BMERB1: variants seen among roughly 807,000 people sequenced by gnomAD.
BMERB1 encodes the protein bMERB domain containing 1, also known as bMERB domain-containing protein 1.
In BMERB1, 12 loss-of-function variants were observed where a neutral mutation model predicts 23.6. The observed-to-expected ratio is 0.51, with a 90% confidence interval of 0.33 to 0.82. BMERB1 has a LOEUF of 0.82. Among genes scored for constraint, BMERB1 ranks in the 40% least tolerant of loss-of-function variants. BMERB1 has a pLI of 0.03. For missense variants in BMERB1, 247 were observed against 255.4 expected, an observed-to-expected ratio of 0.97 and a Z score of 0.22; for synonymous variants, 122 against 96.6, an observed-to-expected ratio of 1.26 and a Z score of -1.54.
rs150793082 is a variant in BMERB1 at position 15,444,123 on chromosome 16, G to GTTTTTTTTTTTTTTTTTT, written c.106+9374_106+9391dup. Among the ~76,000 whole-genome samples, 206 of 35,620 alleles carry GTTTTTTTTTTTTTTTTTT rather than the reference G, an allele frequency of 5.8e-3. 39 individuals carry two copies. The highest frequency in any genetic ancestry group is 8.4e-3 in the African/African-American group (65 of 7,750). The allele number at this position is 35,620 out of a possible 152,430, so 23.4% of individuals were successfully genotyped here. A position where few individuals can be genotyped will look rare whatever the true frequency, so the allele number is the denominator to read the frequency against. On this transcript the variant is annotated intron_variant, in intron 1 of 5. Transcript: ENST00000300006. ...AGGCCAGGGTCCAGGCACCAGCTTT[G>GTTTTTTTTTTTTTTTTTT]TTTTTTTTTTTTTTTTTTTTTTTTT...
chr16:15,475,503 C>T (rs1269512026), intron 1 of BMERB1, among the ~76,000 whole-genome samples: 1 of 152,104 alleles, frequency 6.6e-6, no homozygotes, highest in South Asian at 2.1e-4. Context: ...AGGGAAGAAG[C>T]CTGGAGGGCA....
chr16:15,553,251 A>G (rs2030147757), intron 2 of BMERB1, among the ~76,000 whole-genome samples: 1 of 152,098 alleles, frequency 6.6e-6, no homozygotes. Flanking sequence ...GAATTGATCC[A>G]CCTGCCTCGG....
chr16:15,515,196 A>G lies in BMERB1; in HGVS notation c.107-109A>G, dbSNP rs753344236. On this transcript the variant is annotated intron_variant, in intron 1 of 5. Transcript: ENST00000300006. The stretch of plus-strand genomic sequence containing the variant: ...GTGGCACAGGCTGAAGTCTGTCCTC[A>G]AGGTGTATGATGGTCGCAGAGCAAG... The G allele has an allele frequency of 2.7e-6, 4 of 1,474,086 alleles. No homozygotes were observed. The African/African-American group carries it at 4.3e-5, about 16-fold the overall frequency. The allele number at this position is 1,474,086 out of a possible 1,614,324, so 91.3% of individuals were successfully genotyped here. A position where few individuals can be genotyped will look rare whatever the true frequency, so the allele number is the denominator to read the frequency against.
chr16:15,554,504 T>G (rs533794516), intron 2 of BMERB1, among the ~76,000 whole-genome samples: 1 of 152,162 alleles, frequency 6.6e-6, no homozygotes, highest in South Asian at 2.1e-4. Context: ...TGTATAATTT[T>G]TTAAATAGAC....
chr16:15,498,610 A>G (rs2051497447), intron 1 of BMERB1, among the ~76,000 whole-genome samples: 1 of 151,702 alleles, frequency 6.6e-6, no homozygotes, highest in Admixed American at 6.6e-5. Context: ...GAAAGGAAGG[A>G]AGGAAAAAAG....
intron 1 of BMERB1, among the ~76,000 whole-genome samples, chr16:15,463,076 T>C (rs1598452143): frequency 6.6e-6 from 1 of 151,958 alleles, no homozygotes; most frequent in African/African-American, 2.4e-5. Flanking sequence ...TGGGATAAAT[T>C]TCTTTTTTTT....
At chr16:15,440,354 A>G (rs893081084) in intron 1 of BMERB1, among the ~76,000 whole-genome samples, 1 of 152,100 alleles carries the variant, frequency 6.6e-6, no homozygotes, top group South Asian at 2.1e-4. Context: ...CAATCTTTCC[A>G]TAAGCCCGGG....
chr16:15,571,037 G>T (rs535899481), intron 3 of BMERB1, among the ~76,000 whole-genome samples: 1 of 150,994 alleles, frequency 6.6e-6, no homozygotes, highest in African/African-American at 2.5e-5. Flanking sequence ...TATCAGGAAG[G>T]TCTTTGTGAC....
rs567515840 is a variant in BMERB1 at position 15,472,073 on chromosome 16, A to C, written c.106+37314A>C. ...TCCAAGTGTCAGGAGATTTTCTGTTATATTTCTGTTATTGATTTCTGGTTT... is the reference window on the plus strand; with the variant it reads ...TCCAAGTGTCAGGAGATTTTCTGTTCTATTTCTGTTATTGATTTCTGGTTT... On this transcript the variant is annotated intron_variant, in intron 1 of 5. Coordinates refer to ENST00000300006, the MANE Select transcript of BMERB1 (RefSeq NM_033201.3). 9.9e-5 allele frequency among the ~76,000 whole-genome samples: 15 copies of C among 152,236 alleles called. No homozygotes were observed. The South Asian group carries it at 3.1e-3, about 32-fold the overall frequency.
chr16:15,504,504 G>T (rs1311599026), intron 1 of BMERB1, among the ~76,000 whole-genome samples: 1 of 150,820 alleles, frequency 6.6e-6, no homozygotes, highest in Non-Finnish European at 1.5e-5. Flanking sequence ...CTGGAGTGCA[G>T]TGGCACCATC....
At chr16:15,582,244 C>T (rs1038746425) in intron 4 of BMERB1, among the ~76,000 whole-genome samples, 4 of 152,130 alleles carry the variant, frequency 2.6e-5, no homozygotes, top group African/African-American at 4.8e-5. Flanking sequence ...ACTAAAACTA[C>T]AGAAATTAGC....
At chr16:15,440,224 G>T (rs1365754622) in intron 1 of BMERB1, among the ~76,000 whole-genome samples, 1 of 130,332 alleles carries the variant, frequency 7.7e-6, no homozygotes, top group Non-Finnish European at 1.6e-5. Context: ...CAGCCTGGGT[G>T]ACAGAGCAAG....
At chr16:15,541,647 G>T (rs1247269508) in intron 2 of BMERB1, among the ~76,000 whole-genome samples, 2 of 147,472 alleles carry the variant, frequency 1.4e-5, no homozygotes, top group African/African-American at 2.5e-5. Context: ...TGTCACCCAG[G>T]CTGGAGTGCA....
chr16:15,574,235 T>C (rs1369707424), intron 3 of BMERB1, among the ~76,000 whole-genome samples: 1 of 152,122 alleles, frequency 6.6e-6, no homozygotes, highest in African/African-American at 2.4e-5. Flanking sequence ...ACTCGCTCAC[T>C]ATCACGAGAA....
chr16:15,502,987 T>C (rs1212996278), intron 1 of BMERB1, among the ~76,000 whole-genome samples: 1 of 152,194 alleles, frequency 6.6e-6, no homozygotes, highest in Non-Finnish European at 1.5e-5. Flanking sequence ...TGACCACTCT[T>C]TGTGATGTCT....
At chr16:15,503,531 C>G (rs2150944246) in intron 1 of BMERB1, among the ~76,000 whole-genome samples, 1 of 151,418 alleles carries the variant, frequency 6.6e-6, no homozygotes, top group Middle Eastern at 3.4e-3. Flanking sequence ...ATCTCCTGAC[C>G]TCGTGATCCA....
intron 2 of BMERB1, among the ~76,000 whole-genome samples, chr16:15,541,159 C>A (rs2052075133): frequency 6.6e-6 from 1 of 152,024 alleles, no homozygotes; most frequent in Non-Finnish European, 1.5e-5. Flanking sequence ...AAGCCCTTCA[C>A]TTATGTTTAC....
chr16:15,435,171 G>A (rs1489880900), intron 1 of BMERB1, among the ~76,000 whole-genome samples: 1 of 152,210 alleles, frequency 6.6e-6, no homozygotes, highest in Non-Finnish European at 1.5e-5. Context: ...CCTGGAGAGG[G>A]GGGAGTGTCT....
At chr16:15,514,687 A>G (rs922989839) in intron 1 of BMERB1, among the ~76,000 whole-genome samples, 8 of 152,128 alleles carry the variant, frequency 5.3e-5, no homozygotes, top group African/African-American at 1.9e-4. Context: ...CTGAGGTGGG[A>G]GAATCGCCTG....
Sources: gnomAD v4.1 joint callset for allele counts (sites outside exome capture counted in the v4.1 genomes callset) on GRCh38, gnomAD v4.1.1 for gene constraint, MANE v1.5 for transcripts, NCBI Gene and HGNC (gene_info 2026-07-23, HGNC 2026-07-21) for gene names.